SMURF1: variants seen among roughly 807,000 people sequenced by gnomAD.
SMURF1 encodes the protein SMAD specific E3 ubiquitin protein ligase 1, also known as E3 ubiquitin-protein ligase SMURF1.
Under a neutral mutation model 98.0 loss-of-function variants are expected in SMURF1, and 44 were observed. The observed-to-expected ratio is 0.45, with a 90% CI of 0.35 to 0.58. The LOEUF is 0.58. Among genes scored for constraint, SMURF1 ranks in the 20% least tolerant of loss-of-function variants. SMURF1 has a pLI of 0.00. For synonymous variants in SMURF1, 396 were observed against 374.9 expected, an observed-to-expected ratio of 1.06 and a Z score of -0.65; for missense variants, 687 against 938.4, an observed-to-expected ratio of 0.73 and a Z score of 3.50.
Position 99,028,831 on chromosome 7 carries a change from GTTTTCACTT to G in SMURF1, c.*1744_*1752del, listed in dbSNP as rs1794786799. On this transcript the variant is annotated 3_prime_UTR_variant, in exon 18 of 18. Transcript: ENST00000361368. ...GTGGGCTGTCCGGGGGAGGTCTGTA[GTTTTCACTT>G]CCTCACCTTCAAGAGGAAGATGATG... 6.6e-6 allele frequency: 1 copy of G among 152,172 alleles called. No individual in the cohort carries two copies. Among genetic ancestry groups the G allele is most frequent in the African/African-American group, 2.4e-5 (1 of 41,444 alleles). The allele number at this position is 152,172 out of a possible 1,614,324, so 9.4% of individuals were successfully genotyped here.
intron 16 of SMURF1, among the ~76,000 whole-genome samples, chr7:99,034,547 G>T (rs539383781): frequency 4.0e-5 from 6 of 151,802 alleles, no homozygotes; most frequent in Non-Finnish European, 8.8e-5. Context: ...AGTGAGTCTC[G>T]GCTTCCTCAT....
At chr7:99,085,891 C>A (rs913073390) in intron 1 of SMURF1, among the ~76,000 whole-genome samples, 4 of 152,138 alleles carry the variant, frequency 2.6e-5, no homozygotes, top group African/African-American at 9.7e-5. Flanking sequence ...ACAATTCTTA[C>A]AAATCAGCAA....
intron 1 of SMURF1, among the ~76,000 whole-genome samples, chr7:99,118,104 C>G (rs771277141): frequency 6.6e-5 from 10 of 152,026 alleles, no homozygotes; most frequent in Non-Finnish European, 1.5e-4. Context: ...CTTTAGGATG[C>G]CTGTAATAAT....
rs770659840 is a variant in SMURF1 at position 99,045,734 on chromosome 7, C to T, written c.1220G>A (p.Arg407His). 16 of 1,614,194 alleles carry T rather than the reference C, an allele frequency of 9.9e-6. No homozygotes were observed. The highest frequency in any genetic ancestry group is 4.5e-5 in the East Asian group (2 of 44,886). ...ACCGTAATCCAAACCTTCTTCCCCA[C>T]GGAATTTCACCATCAGCCGTTTTTT... Reference protein sequence around the residue: ...DLKKRLMVKFRGEEGLDYGGV... With the variant: ...DLKKRLMVKFHGEEGLDYGGV... Residue 407 changes from arginine to histidine, a missense_variant, in exon 11 of 18, where the codon CGT (arginine) becomes CAT (histidine). Physicochemically the swap from Arg to His is conservative, Grantham distance 29. Transcript: ENST00000361368.
Position 99,059,402 on chromosome 7 carries a change from A to T in SMURF1, c.203+1197T>A, listed in dbSNP as rs7791729. Among the ~76,000 whole-genome samples the T allele has an allele frequency of 9.0e-4, 70 of 77,426 alleles. 4 individuals carry two copies. Among genetic ancestry groups the T allele is most frequent in the African/African-American group, 3.0e-3 (59 of 19,518 alleles). 50.8% of individuals were successfully genotyped at this position (77,426 alleles called of 152,430 possible). On this transcript the variant is annotated intron_variant, in intron 3 of 17. Coordinates refer to ENST00000361368, the MANE Select transcript of SMURF1 (RefSeq NM_181349.3). ...GACAGAGCAAGACTCCATCTCAAAA[A>T]AAAATAAAATAAAATAAAATAAAAT... is the stretch of plus-strand genomic sequence containing the variant.
intron 9 of SMURF1, chr7:99,048,144 TTGGGAGGCTGAGG>T: frequency 2.4e-6 from 1 of 414,604 alleles, no homozygotes. Flanking sequence ...TCCCAGCACT[TTGGGAGGCTGAGG>T]TGGGTGGATC....
At chr7:99,066,045 A>T (rs892615710) in intron 1 of SMURF1, among the ~76,000 whole-genome samples, 1 of 143,268 alleles carries the variant, frequency 7.0e-6, no homozygotes, top group Non-Finnish European at 1.6e-5. Flanking sequence ...ATTCCGTCTC[A>T]AAAAAAAAAA....
intron 3 of SMURF1, among the ~76,000 whole-genome samples, chr7:99,060,378 CA>C (rs11340949): frequency 0.36 from 33,154 of 91,994 alleles, 2,794 homozygotes; most frequent in Admixed American, 0.42. Context: ...GACTCCGTCT[CA>C]AAAAAAAAAA....
At chr7:99,042,530 C>T (rs571796704) in intron 11 of SMURF1, among the ~76,000 whole-genome samples, 1 of 152,244 alleles carries the variant, frequency 6.6e-6, no homozygotes, top group South Asian at 2.1e-4. Flanking sequence ...CCATCTCGGC[C>T]TCCCAAAGTG....
Position 99,038,419 on chromosome 7 carries a change from C to T in SMURF1, c.1657G>A (p.Val553Ile). The T allele has an allele frequency of 6.2e-7, 1 of 1,614,262 alleles. No homozygotes were observed. Among genetic ancestry groups the T allele is most frequent in the Non-Finnish European group, 8.5e-7 (1 of 1,180,056 alleles). The change falls in exon 14 of 18, where the codon GTC becomes ATC. Residue 553 changes from valine (V) to isoleucine (I), a missense_variant. Val to Ile is a conservative substitution (Grantham distance 29). Around this residue, in one of 2 missense-constraint regions of SMURF1, gnomAD observed 272 missense variants for 430.0 expected, o/e 0.63. Coordinates refer to ENST00000361368, the MANE Select transcript of SMURF1 (RefSeq NM_181349.3). ...ELKPNGRNVP[V>I]TEENKKEYVR... ...TATTCTTTCTTATTCTCCTCTGTGA[C>T]TGGCACATTTCTGCCATTGGGTTTC...
chr7:99,140,059 A>G (rs1290702281), intron 1 of SMURF1, among the ~76,000 whole-genome samples: 2 of 152,222 alleles, frequency 1.3e-5, no homozygotes, highest in Non-Finnish European at 2.9e-5. Flanking sequence ...AAATTGATAT[A>G]TCCTGTGAGA....
At chr7:99,082,299 G>C (rs1188714433) in intron 1 of SMURF1, among the ~76,000 whole-genome samples, 1 of 152,168 alleles carries the variant, frequency 6.6e-6, no homozygotes, top group Non-Finnish European at 1.5e-5. Flanking sequence ...CAATTAATCT[G>C]TTTTCCTTTT....
At chr7:99,114,888 A>G (rs893546142) in intron 1 of SMURF1, among the ~76,000 whole-genome samples, 1 of 152,124 alleles carries the variant, frequency 6.6e-6, no homozygotes, top group African/African-American at 2.4e-5. Flanking sequence ...TACACTGTTA[A>G]TCAATAGGTC....
At chr7:99,143,283 G>T (rs1299612176) in intron 1 of SMURF1, among the ~76,000 whole-genome samples, 1 of 146,096 alleles carries the variant, frequency 6.8e-6, no homozygotes, top group Non-Finnish European at 1.5e-5. Context: ...AGAAGCGAGG[G>T]GTCAGGTGCT....
Position 99,046,186 on chromosome 7 carries a change from TAA to T in SMURF1, c.1153-387_1153-386del, listed in dbSNP as rs563168206. Among the ~76,000 whole-genome samples the T allele has an allele frequency of 3.5e-3, 537 of 152,296 alleles. 1 individual carries two copies. The highest frequency in any genetic ancestry group is 4.8e-3 in the Non-Finnish European group (328 of 68,040). On this transcript the variant is annotated intron_variant, in intron 10 of 17. Coordinates refer to ENST00000361368, the MANE Select transcript of SMURF1 (RefSeq NM_181349.3). ...TCAAGACATTAGAAAGTCTGAATGC[TAA>T]GAGAGTTCTGAGCCTCTCTTTATAT...
chr7:99,042,075 T>G, intron 12 of SMURF1, 43 bp downstream of exon 12: 2 of 1,491,598 alleles, frequency 1.3e-6, no homozygotes, highest in African/African-American at 2.8e-5. Context: ...ATCTCAAAAC[T>G]TCTCCAACTC....
At chr7:99,119,337 ACT>A (rs943317485) in intron 1 of SMURF1, among the ~76,000 whole-genome samples, 36 of 152,126 alleles carry the variant, frequency 2.4e-4, no homozygotes, top group African/African-American at 7.0e-4. Flanking sequence ...TAAATATTAC[ACT>A]GTGTATATAT....
chr7:99,135,837 C>G (rs960476322), intron 1 of SMURF1, among the ~76,000 whole-genome samples: 24 of 152,224 alleles, frequency 1.6e-4, no homozygotes, highest in Non-Finnish European at 1.5e-5. Flanking sequence ...GGTACCTACT[C>G]TATCAATTTA....
At chr7:99,048,171 TGAGGTCAGGAGTTC>T (rs1372658515) in intron 9 of SMURF1, 3 of 373,708 alleles carry the variant, frequency 8.0e-6, no homozygotes, top group Non-Finnish European at 1.0e-5. Context: ...GTGGATCACC[TGAGGTCAGGAGTTC>T]GAGACCAGCC....
Sources: allele counts gnomAD v4.1 joint callset (sites outside exome capture counted in the v4.1 genomes callset), GRCh38; gene constraint gnomAD v4.1.1; regional missense constraint gnomAD v4.1.1; transcripts MANE v1.5; gene names NCBI Gene and HGNC (gene_info 2026-07-23, HGNC 2026-07-21).